Variants in CCDC171 observed in about 807,000 individuals in gnomAD.
CCDC171 encodes coiled-coil domain containing 171, also known as coiled-coil domain-containing protein 171.
A neutral mutation model predicts 168.2 loss-of-function variants in CCDC171; 177 were observed. That is an observed-to-expected ratio of 1.05 (90% confidence interval 0.93 to 1.19). The LOEUF is 1.19. Among genes scored for constraint, CCDC171 ranks in the 50% most tolerant of loss-of-function variants. The probability of loss-of-function intolerance (pLI) is 0.00; values close to 1 mark genes in which losing one functional copy is unlikely to be tolerated. For missense variants in CCDC171, 1,991 were observed against 1,539.0 expected (o/e 1.29, Z -4.91); for synonymous variants, 687 against 540.8 (o/e 1.27, Z -3.75).
In CCDC171 at chr9:15,662,757, T is replaced by C. The variant is rs529244461; in HGVS notation, c.916-3406T>C. Among the ~76,000 whole-genome samples the C allele has an allele frequency of 8.1e-4, 123 of 151,890 alleles. No homozygotes were observed. The South Asian group carries it at 0.011, about 14-fold the overall frequency. ...TTGGGAGGCTGAGGTGGGCAAATCA[T>C]TGGAGGTCAGGAGTTCGGGACCAGC... On this transcript the variant is annotated intron_variant, in intron 8 of 25. Coordinates refer to ENST00000380701, the MANE Select transcript of CCDC171 (RefSeq NM_173550.4).
At chr9:15,695,553 C>T (rs1223626732) in intron 11 of CCDC171, among the ~76,000 whole-genome samples, 5 of 152,254 alleles carry the variant, frequency 3.3e-5, no homozygotes, top group East Asian at 1.9e-4. Context: ...ACTTGATTTA[C>T]AAGTGTTGGG....
At chr9:16,053,176 A>G (rs1048232352) in intron 1 of CCDC171, among the ~76,000 whole-genome samples, 5 of 152,274 alleles carry the variant, frequency 3.3e-5, no homozygotes, top group Non-Finnish European at 5.9e-5. Context: ...GGAGATCTAC[A>G]GGCAGCTCCA....
chr9:16,064,551 T>C (rs932445849), downstream of CCDC171, among the ~76,000 whole-genome samples: 1 of 152,166 alleles, frequency 6.6e-6, no homozygotes, highest in Non-Finnish European at 1.5e-5. Context: ...GGCTGATTCT[T>C]TTTAGGGCCT....
chr9:15,587,343 G>A (rs1195123884), intron 4 of CCDC171, among the ~76,000 whole-genome samples: 3 of 152,236 alleles, frequency 2.0e-5, no homozygotes, highest in South Asian at 2.1e-4. Context: ...TGCTGTTCTT[G>A]TGATATGGGT....
At chr9:16,055,571 T>C (rs1344935629) in intron 1 of CCDC171, among the ~76,000 whole-genome samples, 1 of 152,212 alleles carries the variant, frequency 6.6e-6, no homozygotes, top group African/African-American at 2.4e-5. Flanking sequence ...GTGAGGCTCA[T>C]AGTATATTGC....
intron 7 of CCDC171, among the ~76,000 whole-genome samples, chr9:15,647,080 A>T (rs911165942): frequency 2.6e-5 from 4 of 152,210 alleles, no homozygotes; most frequent in African/African-American, 9.7e-5. Flanking sequence ...TCAAACTAGA[A>T]CTCAGGATTA....
chr9:15,609,245 G>A (rs994431477), intron 6 of CCDC171, among the ~76,000 whole-genome samples: 19 of 151,824 alleles, frequency 1.3e-4, no homozygotes, highest in African/African-American at 4.6e-4. Flanking sequence ...GATTACAGGT[G>A]CCTGCCACCA....
At chr9:15,705,406 G>A (rs150214472) in intron 11 of CCDC171, among the ~76,000 whole-genome samples, 2 of 152,022 alleles carry the variant, frequency 1.3e-5, no homozygotes, top group East Asian at 1.9e-4. Flanking sequence ...TGCTTCTTTG[G>A]CCTCACCTCC....
chr9:15,975,760 C>G (rs1831601613), downstream of CCDC171, among the ~76,000 whole-genome samples: 1 of 152,148 alleles, frequency 6.6e-6, no homozygotes, highest in Non-Finnish European at 1.5e-5. Context: ...AATATATTTT[C>G]TGGACTAGTG....
chr9:15,675,876 C>G (rs976149947), intron 9 of CCDC171, among the ~76,000 whole-genome samples: 28 of 152,210 alleles, frequency 1.8e-4, no homozygotes, highest in African/African-American at 6.0e-4. Flanking sequence ...CGAGGAGTAT[C>G]TTTGTGGTGT....
chr9:15,935,269 G>C lies in CCDC171; in HGVS notation c.3753+14847G>C, dbSNP rs150011183. ...GGATGGCAATATGTTGTAGTGGAAA[G>C]AGCATGACAGAGACTCAGAGGAAAT... is the stretch of plus-strand genomic sequence containing the variant. On this transcript the variant is annotated intron_variant, in intron 25 of 25. Transcript: ENST00000380701. 5.2e-3 allele frequency among the ~76,000 whole-genome samples: 786 copies of C among 152,122 alleles called. 4 individuals are homozygous for C. Among genetic ancestry groups the C allele is most frequent in the African/African-American group, 0.018 (741 of 41,542 alleles).
intron 7 of CCDC171, among the ~76,000 whole-genome samples, chr9:15,634,885 GA>G (rs2046079580): frequency 6.6e-6 from 1 of 152,184 alleles, no homozygotes; most frequent in Non-Finnish European, 1.5e-5. Flanking sequence ...CTTACAAGTG[GA>G]ACTACAATAT....
chr9:16,033,491 C>G (rs1387857733), intron 6 of CCDC171, among the ~76,000 whole-genome samples: 1 of 152,204 alleles, frequency 6.6e-6, no homozygotes, highest in Non-Finnish European at 1.5e-5. Context: ...GAATCTAATG[C>G]TTGATGATCT....
At chr9:15,888,537 A>G (rs1239674901) in intron 24 of CCDC171, among the ~76,000 whole-genome samples, 1 of 152,192 alleles carries the variant, frequency 6.6e-6, no homozygotes, top group Non-Finnish European at 1.5e-5. Flanking sequence ...TTCAAATTCC[A>G]GGGGTATATG....
intron 25 of CCDC171, among the ~76,000 whole-genome samples, chr9:15,957,637 A>G (rs888247261): frequency 6.6e-6 from 1 of 152,204 alleles, no homozygotes; most frequent in Admixed American, 6.6e-5. Flanking sequence ...GAAGGTTTAC[A>G]TCAAACAATT....
At chr9:15,883,732 C>T (rs2131373017) in intron 24 of CCDC171, among the ~76,000 whole-genome samples, 1 of 152,242 alleles carries the variant, frequency 6.6e-6, no homozygotes, top group East Asian at 1.9e-4. Context: ...GAATTATATA[C>T]CTTGCGGGAA....
intron 25 of CCDC171, among the ~76,000 whole-genome samples, chr9:15,944,882 T>TTCTTTCTTTCTA (rs1828155942): frequency 1.3e-5 from 2 of 151,618 alleles, no homozygotes; most frequent in South Asian, 4.2e-4. Context: ...CTTTCTTTCT[T>TTCTTTCTTTCTA]TCTTTTTTAT....
Position 15,806,697 on chromosome 9 carries a change from G to A in CCDC171, c.3267+22003G>A, listed in dbSNP as rs1316054680. Among the ~76,000 whole-genome samples the A allele has an allele frequency of 2.0e-5, 3 of 151,954 alleles. No homozygotes were observed. The South Asian group carries it at 6.2e-4, about 31-fold the overall frequency. On this transcript the variant is annotated intron_variant, in intron 21 of 25. Coordinates refer to ENST00000380701, the MANE Select transcript of CCDC171 (RefSeq NM_173550.4). Reference sequence around the variant, plus strand: ...CAATCTTGGAAAATCTGATGATTATGTGTCTTGGGATGCTCTTGTGTAGAA... The same window carrying A: ...CAATCTTGGAAAATCTGATGATTATATGTCTTGGGATGCTCTTGTGTAGAA...
intron 7 of CCDC171, among the ~76,000 whole-genome samples, chr9:15,644,996 A>G (rs1291006689): frequency 6.6e-6 from 1 of 152,224 alleles, no homozygotes; most frequent in Non-Finnish European, 1.5e-5. Context: ...ATCCCCTAGT[A>G]GGGGCAGACT....
Sources: gnomAD v4.1 joint callset for allele counts (sites outside exome capture counted in the v4.1 genomes callset) on GRCh38, gnomAD v4.1.1 for gene constraint, MANE v1.5 for transcripts, NCBI Gene and HGNC (gene_info 2026-07-23, HGNC 2026-07-21) for gene names.